The following COPS7B variants were observed in gnomAD, a reference collection of about 807,000 sequenced individuals.
COPS7B encodes COP9 signalosome complex subunit 7b.
In COPS7B, 9 loss-of-function variants were observed where a neutral mutation model predicts 33.4. The ratio of observed to expected loss-of-function variants is 0.27; its 90% confidence interval spans 0.16 to 0.47. The LOEUF is 0.47. COPS7B is among the 20% of genes least tolerant of loss of function. COPS7B has a pLI of 0.99. For missense variants in COPS7B, 242 were observed against 318.2 expected, an observed-to-expected ratio of 0.76 and a Z score of 1.82; for synonymous variants, 119 against 126.3, an observed-to-expected ratio of 0.94 and a Z score of 0.39.
chr2:231,799,895 C>T (rs934006257), intron 6 of COPS7B, among the ~76,000 whole-genome samples: 3 of 152,144 alleles, frequency 2.0e-5, no homozygotes, highest in African/African-American at 2.4e-5. Context: ...TATATGCACT[C>T]CTTGAAAATA....
At chr2:231,795,599 A>G (rs2049545039) in intron 4 of COPS7B, among the ~76,000 whole-genome samples, 1 of 152,246 alleles carries the variant, frequency 6.6e-6, no homozygotes, top group African/African-American at 2.4e-5. Context: ...GAAAACAGAT[A>G]CAAACTTCAG....
intron 1 of COPS7B, 102 bp downstream of exon 1, chr2:231,786,640 C>A: frequency 2.2e-6 from 1 of 449,570 alleles, no homozygotes; most frequent in Non-Finnish European, 2.9e-6. Flanking sequence ...CGGCCGTGCC[C>A]GCCCCGCCCC....
At chr2:231,783,943 C>G (rs1460852077), upstream of COPS7B, among the ~76,000 whole-genome samples, 2 of 152,226 alleles carry the variant, frequency 1.3e-5, no homozygotes, top group Non-Finnish European at 2.9e-5. Context: ...TGCAATAGTT[C>G]CGTGCTTTTT....
chr2:231,788,267 A>G (rs183084395), intron 1 of COPS7B, among the ~76,000 whole-genome samples: 184 of 151,924 alleles, frequency 1.2e-3, no homozygotes, highest in African/African-American at 4.4e-3. Context: ...CTCCCAAGTA[A>G]CTGGGACTAC....
intron 6 of COPS7B, among the ~76,000 whole-genome samples, chr2:231,803,548 G>T (rs1378874709): frequency 2.0e-5 from 3 of 152,176 alleles, no homozygotes; most frequent in Admixed American, 6.5e-5. Context: ...GGAGAAAATG[G>T]CTTGAGGAAG....
upstream of COPS7B, among the ~76,000 whole-genome samples, chr2:231,782,824 A>T (rs2049160021): frequency 6.6e-6 from 1 of 152,332 alleles, no homozygotes. Context: ...CCATGTTAAA[A>T]AAGTTTTTTT....
intron 1 of COPS7B, among the ~76,000 whole-genome samples, chr2:231,787,054 C>G (rs969248245): frequency 6.6e-6 from 1 of 152,134 alleles, no homozygotes; most frequent in Non-Finnish European, 1.5e-5. Flanking sequence ...TCTGTCTCTT[C>G]ACACGGGTCC....
At chr2:231,792,275 T>C (rs2049439210) in intron 3 of COPS7B, 1 of 334,334 alleles carries the variant, frequency 3.0e-6, no homozygotes, top group Admixed American at 4.1e-5. Context: ...GCAGATCACT[T>C]GAGGTGAGGA....
intron 6 of COPS7B, among the ~76,000 whole-genome samples, chr2:231,800,806 G>A (rs2049722798): frequency 6.6e-6 from 1 of 152,250 alleles, no homozygotes; most frequent in African/African-American, 2.4e-5. Flanking sequence ...AATTAAAACA[G>A]TCCATTGACG....
At chr2:231,782,353 T>C (rs2049150989), upstream of COPS7B, among the ~76,000 whole-genome samples, 1 of 152,208 alleles carries the variant, frequency 6.6e-6, no homozygotes, top group South Asian at 2.1e-4. Flanking sequence ...GAGTGTGATA[T>C]TTATTTATTT....
chr2:231,806,960 C>T (rs772879117), intron 6 of COPS7B, among the ~76,000 whole-genome samples: 7 of 152,178 alleles, frequency 4.6e-5, no homozygotes, highest in African/African-American at 1.4e-4. Flanking sequence ...TAAGTATTTA[C>T]GAGTCTGTAT....
At chr2:231,800,704 G>A (rs1161430005) in intron 6 of COPS7B, among the ~76,000 whole-genome samples, 1 of 152,332 alleles carries the variant, frequency 6.6e-6, no homozygotes. Flanking sequence ...GTGTGTGCAC[G>A]AGCAGAGCCT....
At chr2:231,785,492 T>C (rs2049219142), upstream of COPS7B, among the ~76,000 whole-genome samples, 1 of 152,172 alleles carries the variant, frequency 6.6e-6, no homozygotes, top group Non-Finnish European at 1.5e-5. Flanking sequence ...GCTTCCAAAG[T>C]GTTGTCATAT....
intron 3 of COPS7B, 31 bp from the exon 4 acceptor site, chr2:231,794,232 C>T (rs2049501239): frequency 1.3e-6 from 2 of 1,586,576 alleles, no homozygotes; most frequent in Non-Finnish European, 1.7e-6. Flanking sequence ...TATTTTGTGT[C>T]TTGATTTTTG....
rs1012824228 is a variant in COPS7B at position 231,801,240 on chromosome 2, A to C, written c.636+2276A>C. The C allele has an allele frequency of 8.4e-6, 13 of 1,550,140 alleles. No individual in the cohort carries two copies. In the East Asian group the frequency reaches 3.2e-4, roughly 38 times the overall value. On this transcript the variant is annotated intron_variant, in intron 6 of 6. Coordinates refer to ENST00000350033, the MANE Select transcript of COPS7B (RefSeq NM_022730.4). The stretch of plus-strand genomic sequence containing the variant: ...GTAGCTTTAAGAGCCCTCCTTCTTA[A>C]TGAAGTCAGCCCTATCACAGACTGC...
At chr2:231,782,251 T>C (rs1479532308), upstream of COPS7B, among the ~76,000 whole-genome samples, 4 of 152,240 alleles carry the variant, frequency 2.6e-5, no homozygotes, top group East Asian at 5.8e-4. Flanking sequence ...AGCATGGCAA[T>C]GTGAATTATT....
At position 231,791,790 on chromosome 2, in the gene COPS7B, A is replaced by G; in HGVS notation, c.220A>G (p.Thr74Ala). 1 of 1,614,026 alleles carries G rather than the reference A, an allele frequency of 6.2e-7. No individual in the cohort carries two copies. The highest frequency in any genetic ancestry group is 8.5e-7 in the Non-Finnish European group (1 of 1,179,906). ...GTTGTTGAACCTGTTTGCCTATGGG[A>G]CATACCCAGATTACATAGGTGAGTT... ...LQLLNLFAYG[T>A]YPDYIANKES... is the part of the protein sequence containing the mutation. The change falls in exon 3 of 7, where the codon ACA becomes GCA. Residue 74 changes from threonine (T) to alanine (A), a missense_variant. Transcript: ENST00000350033.
chr2:231,786,725 G>A lies in COPS7B; in HGVS notation c.-17+187G>A, dbSNP rs116395377. Among the ~76,000 whole-genome samples the A allele has an allele frequency of 5.3e-3, 812 of 152,288 alleles. 5 individuals carry two copies. The highest frequency in any genetic ancestry group is 0.018 in the African/African-American group (766 of 41,558). ...GCTTGGAGCATACCGCCCACCGTGAGGTCTGCTGCAGCTTGCGACCCTCAG... is the reference window on the plus strand; with the variant it reads ...GCTTGGAGCATACCGCCCACCGTGAAGTCTGCTGCAGCTTGCGACCCTCAG... On this transcript the variant is annotated intron_variant, in intron 1 of 6. Transcript: ENST00000350033.
rs573760485 is a variant in COPS7B, at chr2:231,798,607, A to G, written c.531-252A>G. ...TACAAAACCATCTTCCATGAGATAC[A>G]AAGTTGAAAATTAAAGCTGTATTCT... On this transcript the variant is annotated intron_variant, in intron 5 of 6. Transcript: ENST00000350033. 1.5e-4 allele frequency among the ~76,000 whole-genome samples: 23 copies of G among 152,294 alleles called. No homozygotes were observed. In the South Asian group the frequency reaches 4.1e-3, roughly 27 times the overall value.
Sources: allele counts gnomAD v4.1 joint callset (sites outside exome capture counted in the v4.1 genomes callset), GRCh38; gene constraint gnomAD v4.1.1; transcripts MANE v1.5; gene names NCBI Gene and HGNC (gene_info 2026-07-23, HGNC 2026-07-21).